The following TRPC4AP variants were observed in gnomAD, a reference collection of about 807,000 sequenced individuals.
TRPC4AP encodes the protein short transient receptor potential channel 4-associated protein.
A neutral mutation model predicts 99.0 loss-of-function variants in TRPC4AP; 45 were observed. The observed-to-expected ratio is 0.45, with a 90% confidence interval of 0.36 to 0.58. The LOEUF is 0.58. Ranked by LOEUF, TRPC4AP falls within the 20% of genes least tolerant of loss-of-function variation. The probability of loss-of-function intolerance (pLI) is 0.00; values close to 1 mark genes in which losing one functional copy is unlikely to be tolerated. For missense variants in TRPC4AP, 879 were observed against 985.3 expected (o/e 0.89, Z 1.44); for synonymous variants, 408 against 385.8 (o/e 1.06, Z -0.67).
At chr20:35,053,154 T>C (rs2147384482) in intron 5 of TRPC4AP, among the ~76,000 whole-genome samples, 1 of 152,364 alleles carries the variant, frequency 6.6e-6, no homozygotes, top group South Asian at 2.1e-4. Flanking sequence ...GTACTTGGGA[T>C]AGCCATCAGC....
intron 7 of TRPC4AP, among the ~76,000 whole-genome samples, chr20:35,035,531 G>C (rs1227698679): frequency 1.3e-5 from 2 of 152,156 alleles, no homozygotes; most frequent in Non-Finnish European, 2.9e-5. Flanking sequence ...TATCTACTGG[G>C]AATATAAATT....
intron 7 of TRPC4AP, among the ~76,000 whole-genome samples, chr20:35,041,880 T>C (rs1282383399): frequency 6.6e-6 from 1 of 152,180 alleles, no homozygotes; most frequent in Non-Finnish European, 1.5e-5. Flanking sequence ...AAGGATTAAA[T>C]AAAATCACTT....
intron 8 of TRPC4AP, among the ~76,000 whole-genome samples, chr20:35,026,121 T>C (rs551403530): frequency 5.9e-5 from 9 of 152,268 alleles, no homozygotes; most frequent in Admixed American, 3.9e-4. Flanking sequence ...CTCTCAACAA[T>C]ATTCCATTGA....
chr20:35,055,557 T>A (rs1459426956), intron 4 of TRPC4AP, among the ~76,000 whole-genome samples: 2 of 152,242 alleles, frequency 1.3e-5, no homozygotes, highest in African/African-American at 4.8e-5. Context: ...TCTTACTCTG[T>A]CACTCAGGGG....
intron 4 of TRPC4AP, among the ~76,000 whole-genome samples, chr20:35,056,985 C>CAAAAAAAAAAAAAA (rs398035624): frequency 1.3e-4 from 12 of 90,272 alleles, no homozygotes; most frequent in Non-Finnish European, 1.5e-4. Flanking sequence ...GAGACTGTCT[C>CAAAAAAAAAAAAAA]AAAAAAAAAA....
intron 1 of TRPC4AP, among the ~76,000 whole-genome samples, chr20:35,086,575 GTATA>G (rs372161656): frequency 9.6e-4 from 86 of 89,788 alleles, no homozygotes; most frequent in African/African-American, 3.3e-3. Context: ...GTGTGTGTGT[GTATA>G]TATATATGAA....
chr20:35,023,555 C>T (rs973237769), intron 8 of TRPC4AP, among the ~76,000 whole-genome samples: 1 of 152,170 alleles, frequency 6.6e-6, no homozygotes, highest in Non-Finnish European at 1.5e-5. Context: ...ATTCTATCTA[C>T]TCATATTTAT....
intron 8 of TRPC4AP, among the ~76,000 whole-genome samples, chr20:35,028,165 A>G (rs371565199): frequency 1.1e-4 from 16 of 151,994 alleles, no homozygotes; most frequent in East Asian, 3.9e-4. Flanking sequence ...GCTGCATCCC[A>G]TAAGTTTGAT....
chr20:35,091,188 C>T (rs2085054278), intron 1 of TRPC4AP, among the ~76,000 whole-genome samples: 1 of 151,886 alleles, frequency 6.6e-6, no homozygotes, highest in African/African-American at 2.4e-5. Flanking sequence ...CAGGATTTTG[C>T]CGTGTTGCCT....
chr20:35,055,974 T>C (rs116986414), intron 4 of TRPC4AP, among the ~76,000 whole-genome samples: 1 of 152,226 alleles, frequency 6.6e-6, no homozygotes, highest in Non-Finnish European at 1.5e-5. Context: ...AGTGCTTTAT[T>C]TGGCACTTGC....
At chr20:35,050,404 A>G (rs2083667066) in intron 5 of TRPC4AP, among the ~76,000 whole-genome samples, 1 of 151,984 alleles carries the variant, frequency 6.6e-6, no homozygotes, top group Non-Finnish European at 1.5e-5. Context: ...TTTTTTCATC[A>G]GTAAAATGAT....
chr20:35,040,524 G>A (rs2083423835), intron 7 of TRPC4AP, among the ~76,000 whole-genome samples: 1 of 152,162 alleles, frequency 6.6e-6, no homozygotes, highest in Non-Finnish European at 1.5e-5. Context: ...TAGCTTTCCT[G>A]GTTCTAAGTT....
At chr20:35,035,958 T>C (rs749140862) in intron 7 of TRPC4AP, among the ~76,000 whole-genome samples, 7 of 152,240 alleles carry the variant, frequency 4.6e-5, no homozygotes, top group Non-Finnish European at 1.0e-4. Context: ...CAGGAGAGAA[T>C]ACAAACAATT....
At chr20:35,023,884 TCAC>T (rs1327014520) in intron 8 of TRPC4AP, among the ~76,000 whole-genome samples, 1 of 152,246 alleles carries the variant, frequency 6.6e-6, no homozygotes, top group East Asian at 1.9e-4. Flanking sequence ...CCTCTCCAAG[TCAC>T]CACCAACTTT....
chr20:35,062,213 G>A (rs2084025236), intron 3 of TRPC4AP, among the ~76,000 whole-genome samples: 1 of 152,164 alleles, frequency 6.6e-6, no homozygotes, highest in Non-Finnish European at 1.5e-5. Context: ...ATGTAAAATG[G>A]TGCAGCTGCT....
At chr20:35,006,286 A>G (rs1250110067) in intron 15 of TRPC4AP, 149 bp downstream of exon 15, 1 of 890,122 alleles carries the variant, frequency 1.1e-6, no homozygotes, top group African/African-American at 1.7e-5. Context: ...AGCCAGACAG[A>G]GCAGGTTCCA....
chr20:35,077,998 G>A (rs767999748), intron 2 of TRPC4AP, 48 bp downstream of exon 2: 1 of 1,513,320 alleles, frequency 6.6e-7, no homozygotes, highest in East Asian at 2.3e-5. Context: ...GACATCTTGT[G>A]TCACCTAGAG....
chr20:35,078,435 G>C (rs183874728), intron 1 of TRPC4AP, among the ~76,000 whole-genome samples: 1 of 152,212 alleles, frequency 6.6e-6, no homozygotes, highest in East Asian at 1.9e-4. Flanking sequence ...ACTTAGACTC[G>C]TCGTAAATAT....
chr20:35,054,139 A>C (rs1456052356), intron 5 of TRPC4AP, among the ~76,000 whole-genome samples: 1 of 151,344 alleles, frequency 6.6e-6, no homozygotes, highest in Non-Finnish European at 1.5e-5. Flanking sequence ...CACCCACAAG[A>C]TGTCAGAAAT....
Sources: allele counts gnomAD v4.1 joint callset (sites outside exome capture counted in the v4.1 genomes callset), GRCh38; gene constraint gnomAD v4.1.1; transcripts MANE v1.5; gene names NCBI Gene and HGNC (gene_info 2026-07-23, HGNC 2026-07-21).